The following PKD1 variants were observed in gnomAD, a reference collection of about 807,000 sequenced individuals.
The protein encoded by PKD1 is polycystin 1, transient receptor potential channel interacting, also known as polycystin-1.
PKD1 carries 81 observed loss-of-function variants against 361.7 expected under a neutral mutation model. That is an observed-to-expected ratio of 0.22 (90% CI 0.19 to 0.27). The LOEUF (loss-of-function observed/expected upper bound fraction) is 0.27, where lower values mean the gene tolerates loss of function less well. Among genes scored for constraint, PKD1 ranks in the 10% least tolerant of loss-of-function variants. PKD1 has a pLI of 1.00. For missense variants in PKD1, 6,399 were observed against 6,118.3 expected (o/e 1.05, Z -1.53); for synonymous variants, 3,615 against 2,818.3 (o/e 1.28, Z -8.95).
In PKD1 at chr16:2,112,402, G is replaced by A. The variant is rs1252272542; in HGVS notation, c.3233C>T (p.Pro1078Leu). The A allele has an allele frequency of 1.4e-5, 23 of 1,587,230 alleles. No individual in the cohort carries two copies. Among genetic ancestry groups the A allele is most frequent in the African/African-American group, 2.7e-5 (2 of 73,916 alleles). The change falls in exon 14 of 46, where the codon CCA (proline) becomes CTA (leucine). Residue 1078 changes from proline to leucine, a missense_variant. Transcript: ENST00000262304. ...QPPYNESFPV[P>L]DPSVAQVLVE... ...CAGCACCTGGGCCACCGAGGGGTCTGGAACCGGGAAGGACTCGTTGTACGG... is the reference window on the plus strand; with the variant it reads ...CAGCACCTGGGCCACCGAGGGGTCTAGAACCGGGAAGGACTCGTTGTACGG...
At position 2,089,749 on chromosome 16, in the gene PKD1, T is replaced by G. The variant is rs758833703; in HGVS notation, c.12890A>C (p.Lys4297Thr). 1 of 1,589,436 alleles carries G rather than the reference T, an allele frequency of 6.3e-7. No homozygotes were observed. The highest frequency in any genetic ancestry group is 1.8e-5 in the Admixed American group (1 of 55,638). Reference sequence around the variant, plus strand: ...GGACTAAGTGCTGCTGGGGTGGACCTTGTTCTTGGCCCGAAGGGGTGTCCT... The same window carrying G: ...GGACTAAGTGCTGCTGGGGTGGACCGTGTTCTTGGCCCGAAGGGGTGTCCT... ...PSRTPLRAKNKVHPSST is the reference protein window; with the variant it reads ...PSRTPLRAKNTVHPSST The change falls in exon 46 of 46, where the codon AAG becomes ACG. Residue 4297 changes from lysine to threonine, a missense_variant. By Grantham distance (78) the Lys-to-Thr change is moderately conservative. Transcript: ENST00000262304.
Position 2,117,679 on chromosome 16 carries a change from A to G in PKD1, c.1202-7T>C, listed in dbSNP as rs1292326320. On this transcript the variant is annotated splice_region_variant and splice_polypyrimidine_tract_variant and intron_variant, in intron 5 of 45. Transcript: ENST00000262304. Reference sequence around the variant, plus strand: ...GGGCAGAGCGGGTGCACCGCTGGAGACCGGTGGGAACGAGGGTGTCAACGG... The same window carrying G: ...GGGCAGAGCGGGTGCACCGCTGGAGGCCGGTGGGAACGAGGGTGTCAACGG... 2.5e-6 allele frequency: 4 copies of G among 1,606,840 alleles called. No individual in the cohort carries two copies. The South Asian group carries it at 4.4e-5, about 18-fold the overall frequency.
In PKD1 at chr16:2,115,503, C is replaced by A. The variant is rs766969740; in HGVS notation, c.1972G>T (p.Ala658Ser). The change falls in exon 10 of 46, where the codon GCC (alanine) becomes TCC (serine). Residue 658 changes from alanine to serine, a missense_variant. Ala to Ser is a moderately conservative substitution (Grantham distance 99). Transcript: ENST00000262304. ...GCGCAGGCCTGGGGGTGGCAGGAGGCGTCCAGCGGCAAGCAGATGTTGGCT... is the reference window on the plus strand; with the variant it reads ...GCGCAGGCCTGGGGGTGGCAGGAGGAGTCCAGCGGCAAGCAGATGTTGGCT... ...PGANICLPLD[A>S]SCHPQACANG... is the part of the protein sequence containing the mutation. 5.0e-6 allele frequency: 8 copies of A among 1,600,142 alleles called. No homozygotes were observed. The highest frequency in any genetic ancestry group is 2.7e-5 in the African/African-American group (2 of 74,572).
intron 34 of PKD1, among the ~76,000 whole-genome samples, chr16:2,096,195 C>T (rs966453448): frequency 1.3e-5 from 2 of 152,222 alleles, no homozygotes; most frequent in Admixed American, 6.5e-5. Flanking sequence ...TGTCACAGGG[C>T]GTAGTTACCC....
At position 2,111,880 on chromosome 16, in the gene PKD1, A is replaced by G; in HGVS notation, c.3296-9T>C. 1.2e-6 allele frequency: 2 copies of G among 1,610,006 alleles called. No homozygotes were observed. Among genetic ancestry groups the G allele is most frequent in the Non-Finnish European group, 1.7e-6 (2 of 1,179,448 alleles). On this transcript the variant is annotated splice_polypyrimidine_tract_variant and intron_variant, in intron 14 of 45. Transcript: ENST00000262304. ...GGTCAGGAGGTACTCACCTGTGGGG[A>G]CAGGCCCGAGTGGGGCAGCCGCGGC...
rs1322157220 is a variant in PKD1, at chr16:2,100,043, G to A, written c.9741C>T (p.Arg3247=). The A allele has an allele frequency of 6.3e-7, 1 of 1,586,482 alleles. No homozygotes were observed. The highest frequency in any genetic ancestry group is 1.8e-5 in the Admixed American group (1 of 55,470). The change falls in exon 29 of 46, where the codon CGC becomes CGT. Residue 3247 remains arginine (R), a synonymous_variant. Transcript: ENST00000262304. This position sits in a 1 kb window ranked among gnomAD's most constrained non-coding sequence, Gnocchi z 4.4. ...CACGCTGCAGCTCAGCCACCAGCAG[G>A]CGCCGGAAGCGCAAAAGGGCTGCGT... is the stretch of plus-strand genomic sequence containing the variant. ...ASDAALLRFR[R]LLVAELQRGF...
chr16:2,125,835 C>G (rs186281171), intron 1 of PKD1, among the ~76,000 whole-genome samples: 1 of 152,284 alleles, frequency 6.6e-6, no homozygotes, highest in Admixed American at 6.5e-5. Flanking sequence ...TCCACTCCCA[C>G]CCTTCACAGC....
rs747624284 is a variant in PKD1, at chr16:2,110,273, T to C, written c.4894A>G (p.Ile1632Val). Residue 1632 changes from isoleucine to valine, a missense_variant, in exon 15 of 46, where the codon ATA becomes GTA. Coordinates refer to ENST00000262304, the MANE Select transcript of PKD1 (RefSeq NM_001009944.3). ...CCGCCCACCACCTGCAGCCCCTCTA[T>C]GAGCTGCAGGACATAGACGAAGATG... ...DSIFVYVLQL[I>V]EGLQVVGGGR... 7.4e-6 allele frequency: 12 copies of C among 1,611,928 alleles called. No individual in the cohort carries two copies. The highest frequency in any genetic ancestry group is 1.3e-5 in the African/African-American group (1 of 74,894).
chr16:2,106,431 C>A lies in PKD1; in HGVS notation c.7456G>T (p.Ala2486Ser). ...TCGAAGTGCACCTTGGTGGTGAGGG[C>A]GTGCACAGCGCCCAGTGGGAAGAGG... ...CRLFPLGAVH[A>S]LTTKVHFECT... The change falls in exon 18 of 46, where the codon GCC becomes TCC. Residue 2486 changes from alanine (A) to serine (S), a missense_variant. Physicochemically the swap from Ala to Ser is moderately conservative, Grantham distance 99. Transcript: ENST00000262304. This position sits in a 1 kb window ranked among gnomAD's most constrained non-coding sequence, Gnocchi z 6.5. 2 of 1,588,636 alleles carry A rather than the reference C, an allele frequency of 1.3e-6. No individual in the cohort carries two copies. Among genetic ancestry groups the A allele is most frequent in the Non-Finnish European group, 1.7e-6 (2 of 1,171,858 alleles).
Position 2,105,157 on chromosome 16 carries a change from C to A in PKD1, c.8016+165G>T, listed in dbSNP as rs1031541918. 9.2e-3 allele frequency among the ~76,000 whole-genome samples: 1,370 copies of A among 148,864 alleles called. 16 individuals carry two copies. The highest frequency in any genetic ancestry group is 0.014 in the Non-Finnish European group (932 of 66,188). ...CACCCTGCGTTCACACAGGACAGAA[C>A]GGCTGAGGCTACTGAAGCAGGTCAG... is the stretch of plus-strand genomic sequence containing the variant. On this transcript the variant is annotated intron_variant, in intron 21 of 45. Transcript: ENST00000262304.
rs775002585 is a variant in PKD1 at position 2,092,094 on chromosome 16, A to G, written c.11364T>C (p.Pro3788=). 2.5e-6 allele frequency: 4 copies of G among 1,612,726 alleles called. No homozygotes were observed. In the East Asian group the frequency reaches 8.9e-5, roughly 36 times the overall value. The stretch of plus-strand genomic sequence containing the variant: ...AGGCCCACGTCCCCGAGCCATTGTG[A>G]GGACTCTCCCAGCCAACGTCGTAAT... ...TSDYDVGWES[P]HNGSGTWAYS... The change falls in exon 40 of 46, where the codon CCT becomes CCC. Residue 3788 remains proline (P), a synonymous_variant. Transcript: ENST00000262304.
rs146365941 is a variant in PKD1, at chr16:2,113,263, C to T, written c.2883G>A (p.Ser961=). Residue 961 remains serine, a synonymous_variant, in exon 12 of 46, where the codon TCG becomes TCA. Coordinates refer to ENST00000262304, the MANE Select transcript of PKD1 (RefSeq NM_001009944.3). The stretch of plus-strand genomic sequence containing the variant: ...TGATGGTCCACCGGAAGACCATGTC[C>T]GAGCCGGCCTCCACCACGGGGCTGT... ...VRYSPVVEAG[S]DMVFRWTIND... is the part of the protein sequence containing the mutation. The T allele has an allele frequency of 2.0e-5, 32 of 1,583,422 alleles. No homozygotes were observed. The African/African-American group carries it at 2.8e-4, about 14-fold the overall frequency.
At chr16:2,128,918 C>T (rs1242077574) in intron 1 of PKD1, among the ~76,000 whole-genome samples, 1 of 151,784 alleles carries the variant, frequency 6.6e-6, no homozygotes, top group Non-Finnish European at 1.5e-5. Flanking sequence ...GGCTAGAGTG[C>T]AGTGGTGTGA....
At chr16:2,131,516 A>AAAAT (rs764080232) in intron 1 of PKD1, among the ~76,000 whole-genome samples, 4,725 of 149,910 alleles carry the variant, frequency 0.032, 212 homozygotes, top group African/African-American at 0.095. Flanking sequence ...TCAAATAATA[A>AAAAT]AAATAAATAA....
At chr16:2,121,059 A>T (rs1467745871) in intron 1 of PKD1, among the ~76,000 whole-genome samples, 1 of 151,714 alleles carries the variant, frequency 6.6e-6, no homozygotes, top group African/African-American at 2.4e-5. Flanking sequence ...GGGAGGAGAG[A>T]GAGAAGAAAA....
At chr16:2,130,960 G>A (rs2092868548) in intron 1 of PKD1, among the ~76,000 whole-genome samples, 1 of 152,250 alleles carries the variant, frequency 6.6e-6, no homozygotes, top group African/African-American at 2.4e-5. Context: ...AGCACCAGAA[G>A]TGGCCTTTAG....
rs763279854 is a variant in PKD1 at position 2,091,601 on chromosome 16, C to A, written c.11538-4G>T. ...CTCCAGGAACACAGCGCGGCTCCTG[C>A]GCAGAGGGTGCGGGTCAGTAGGAGC... On this transcript the variant is annotated splice_polypyrimidine_tract_variant and splice_region_variant and intron_variant, in intron 41 of 45. Transcript: ENST00000262304. The A allele has an allele frequency of 1.3e-4, 196 of 1,559,122 alleles. No homozygotes were observed. Among genetic ancestry groups the A allele is most frequent in the Middle Eastern group, 3.8e-4 (2 of 5,246 alleles).
Position 2,102,600 on chromosome 16 carries a change from G to A in PKD1, c.8982C>T (p.Asn2994=), listed in dbSNP as rs368221959. The part of the protein sequence containing the change: ...SRDPAGSYHL[N]LSSHFRWSAL... ...CCGACCAGCGGAAGTGGCTGGAGAG[G>A]TTCAGATGGTAACTCCCCGCTGGGT... The change falls in exon 25 of 46, where the codon AAC becomes AAT. Residue 2994 remains asparagine (N), a synonymous_variant. Transcript: ENST00000262304. 114 of 1,611,240 alleles carry A rather than the reference G, an allele frequency of 7.1e-5. No homozygotes were observed. In the South Asian group the frequency reaches 1.1e-3, roughly 15 times the overall value.
chr16:2,097,104 C>A lies in PKD1; in HGVS notation c.10499+44G>T, dbSNP rs1008279996. The A allele has an allele frequency of 5.5e-6, 8 of 1,456,194 alleles. No individual in the cohort carries two copies. In the African/African-American group the frequency reaches 9.8e-5, roughly 18 times the overall value. 90.2% of individuals were successfully genotyped at this position (1,456,194 alleles called of 1,614,324 possible). A position where few individuals can be genotyped will look rare whatever the true frequency, so the allele number is the denominator to read the frequency against. On this transcript the variant is annotated intron_variant, in intron 34 of 45. Transcript: ENST00000262304. The stretch of plus-strand genomic sequence containing the variant: ...ACGGCTGCCTGGCCTGAGTCCCGGC[C>A]CCTCCTCTGGCAATCCCCCCTCCCC...
Sources: gnomAD v4.1 joint callset for allele counts (sites outside exome capture counted in the v4.1 genomes callset) on GRCh38, gnomAD v4.1.1 for gene constraint, Gnocchi (gnomAD v3.1) non-coding constraint, MANE v1.5 for transcripts, NCBI Gene and HGNC (gene_info 2026-07-23, HGNC 2026-07-21) for gene names.